The following IL15 variants were observed in gnomAD, a reference collection of about 807,000 sequenced individuals.
IL15 encodes interleukin-15.
IL15 carries 11 observed loss-of-function variants against 19.6 expected under a neutral mutation model. That is an observed-to-expected ratio of 0.56 (90% CI 0.35 to 0.93). IL15 has a LOEUF of 0.93. Ranked by LOEUF, IL15 falls within the 40% of genes least tolerant of loss-of-function variation. The probability of loss-of-function intolerance (pLI) is 0.01; values close to 1 mark genes in which losing one functional copy is unlikely to be tolerated. For synonymous variants in IL15, 58 were observed against 59.6 expected, an observed-to-expected ratio of 0.97 and a Z score of 0.12; for missense variants, 197 against 186.5, an observed-to-expected ratio of 1.06 and a Z score of -0.33.
intron 2 of IL15, among the ~76,000 whole-genome samples, chr4:141,713,418 C>A (rs894048644): frequency 2.0e-5 from 3 of 152,146 alleles, no homozygotes; most frequent in Non-Finnish European, 4.4e-5. Flanking sequence ...CACAGCCATA[C>A]CCATTTGTTT....
intron 2 of IL15, among the ~76,000 whole-genome samples, chr4:141,664,063 C>G (rs1437394384): frequency 6.6e-6 from 1 of 152,080 alleles, no homozygotes; most frequent in East Asian, 1.9e-4. Context: ...TCTGCTTATT[C>G]TGTTAAAAGT....
At chr4:141,674,981 G>T (rs994348649) in intron 2 of IL15, among the ~76,000 whole-genome samples, 1 of 152,100 alleles carries the variant, frequency 6.6e-6, no homozygotes, top group African/African-American at 2.4e-5. Context: ...AGCCAGGCTG[G>T]GCTCTTAGCT....
At chr4:141,642,592 C>G (rs1238107215) in intron 1 of IL15, among the ~76,000 whole-genome samples, 1 of 152,180 alleles carries the variant, frequency 6.6e-6, no homozygotes, top group Non-Finnish European at 1.5e-5. Context: ...GAAATAAGCT[C>G]TAGTAGGGCT....
chr4:141,666,368 T>C (rs1727986986), intron 2 of IL15, among the ~76,000 whole-genome samples: 1 of 151,984 alleles, frequency 6.6e-6, no homozygotes, highest in Non-Finnish European at 1.5e-5. Flanking sequence ...AAATTTTCAA[T>C]TTTATAAGAC....
At chr4:141,642,460 C>T (rs1727079630) in intron 1 of IL15, among the ~76,000 whole-genome samples, 2 of 152,202 alleles carry the variant, frequency 1.3e-5, no homozygotes, top group Non-Finnish European at 2.9e-5. Flanking sequence ...TTCCCACACC[C>T]TCCCTTTGGC....
intron 2 of IL15, chr4:141,715,644 C>G (rs919037195): frequency 4.6e-5 from 7 of 152,052 alleles, no homozygotes; most frequent in Admixed American, 2.0e-4. Context: ...TGAATATTTA[C>G]TAAATGAATC....
At chr4:141,697,934 C>G (rs1489918772) in intron 2 of IL15, among the ~76,000 whole-genome samples, 1 of 151,888 alleles carries the variant, frequency 6.6e-6, no homozygotes, top group East Asian at 1.9e-4. Context: ...GGGGAATGCT[C>G]TCAATGCTTT....
chr4:141,649,324 C>T (rs906421965), intron 1 of IL15, among the ~76,000 whole-genome samples: 1 of 152,158 alleles, frequency 6.6e-6, no homozygotes, highest in Non-Finnish European at 1.5e-5. Flanking sequence ...AGTACGTTAA[C>T]ATATGTAGCA....
chr4:141,687,476 C>T (rs979262941), intron 2 of IL15, among the ~76,000 whole-genome samples: 7 of 152,092 alleles, frequency 4.6e-5, no homozygotes, highest in African/African-American at 1.7e-4. Flanking sequence ...TGAGGACAGG[C>T]TAGGACCACT....
In IL15 at chr4:141,733,830, GA is replaced by G. The variant is rs1387465952; in HGVS notation, c.*987del. 6.6e-6 allele frequency: 1 copy of G among 152,144 alleles called. No individual in the cohort carries two copies. The highest frequency in any genetic ancestry group is 6.5e-5 in the Admixed American group (1 of 15,284). The allele number at this position is 152,144 out of a possible 1,614,324, so 9.4% of individuals were successfully genotyped here. On this transcript the variant is annotated 3_prime_UTR_variant, in exon 8 of 8. Coordinates refer to ENST00000320650, the MANE Select transcript of IL15 (RefSeq NM_000585.5). The stretch of plus-strand genomic sequence containing the variant: ...TTTGCCATGTTTATATAATAATAAA[GA>G]AAAACCCTGTTGATTTGTTGGAGCC...
intron 1 of IL15, among the ~76,000 whole-genome samples, chr4:141,645,037 C>A (rs1353420617): frequency 6.6e-6 from 1 of 152,092 alleles, no homozygotes; most frequent in African/African-American, 2.4e-5. Flanking sequence ...AGTGGCGTAG[C>A]CTGCTTTCTG....
intron 2 of IL15, among the ~76,000 whole-genome samples, chr4:141,701,372 G>C (rs1188738317): frequency 8.6e-5 from 13 of 151,610 alleles, no homozygotes; most frequent in African/African-American, 3.2e-4. Flanking sequence ...GGTGCTTTTA[G>C]GGTGAAGACT....
chr4:141,692,023 C>T (rs1187778772), intron 2 of IL15, among the ~76,000 whole-genome samples: 4 of 152,242 alleles, frequency 2.6e-5, no homozygotes, highest in Admixed American at 2.6e-4. Flanking sequence ...TTCCATACAT[C>T]CTCTAAAATC....
At chr4:141,685,989 C>A (rs1043905612) in intron 2 of IL15, among the ~76,000 whole-genome samples, 2 of 152,098 alleles carry the variant, frequency 1.3e-5, no homozygotes, top group Non-Finnish European at 2.9e-5. Flanking sequence ...CCTAGCACAT[C>A]CCCCTAATCA....
intron 2 of IL15, among the ~76,000 whole-genome samples, chr4:141,712,419 T>A (rs2152186587): frequency 6.6e-6 from 1 of 152,064 alleles, no homozygotes; most frequent in South Asian, 2.1e-4. Context: ...TACCAAACAT[T>A]TTCAAAAACA....
intron 5 of IL15, among the ~76,000 whole-genome samples, chr4:141,725,831 A>G (rs967446753): frequency 6.6e-6 from 1 of 152,178 alleles, no homozygotes; most frequent in African/African-American, 2.4e-5. Flanking sequence ...CTTGAAATGC[A>G]TAATTTATAA....
At chr4:141,677,427 G>C (rs1579010855) in intron 2 of IL15, among the ~76,000 whole-genome samples, 1 of 152,176 alleles carries the variant, frequency 6.6e-6, no homozygotes. Context: ...CAAAATATGT[G>C]TTAATTGGCT....
intron 1 of IL15, among the ~76,000 whole-genome samples, chr4:141,640,709 T>G (rs1727013869): frequency 6.6e-6 from 1 of 152,206 alleles, no homozygotes; most frequent in Non-Finnish European, 1.5e-5. Flanking sequence ...TATGCATTTA[T>G]TTTATAGTGT....
chr4:141,683,427 C>T (rs912879283), intron 2 of IL15, among the ~76,000 whole-genome samples: 5 of 151,726 alleles, frequency 3.3e-5, no homozygotes, highest in African/African-American at 7.3e-5. Flanking sequence ...AAAAATTAGC[C>T]TGGCATGGCG....
Sources: gnomAD v4.1 joint callset for allele counts (sites outside exome capture counted in the v4.1 genomes callset) on GRCh38, gnomAD v4.1.1 for gene constraint, MANE v1.5 for transcripts, NCBI Gene and HGNC (gene_info 2026-07-23, HGNC 2026-07-21) for gene names.